Variants in DLG2 observed in about 807,000 individuals in gnomAD.
The protein encoded by DLG2 is discs large MAGUK scaffold protein 2.
In DLG2, 45 loss-of-function variants were observed where a neutral mutation model predicts 132.5. The ratio of observed to expected loss-of-function variants is 0.34; its 90% CI spans 0.27 to 0.44. The LOEUF (loss-of-function observed/expected upper bound fraction) is 0.44, where lower values mean the gene tolerates loss of function less well. DLG2 is among the 20% of genes least tolerant of loss of function. The pLI is 1.00. For missense variants in DLG2, 1,045 were observed against 1,196.9 expected (o/e 0.87, Z 1.87); for synonymous variants, 424 against 419.6 (o/e 1.01, Z -0.13).
chr11:83,987,529 C>G (rs1277220051), intron 11 of DLG2, among the ~76,000 whole-genome samples: 1 of 152,108 alleles, frequency 6.6e-6, no homozygotes, highest in Non-Finnish European at 1.5e-5. Context: ...ACAGAGCCCT[C>G]AGAAATAATA....
Position 84,251,229 on chromosome 11 carries a change from G to T in DLG2, c.573+9C>A. On this transcript the variant is annotated intron_variant, in intron 8 of 27. Coordinates refer to ENST00000376104, the MANE Select transcript of DLG2 (RefSeq NM_001142699.3). ...TTTAAAAGAAGGTAGTAATGAAAAA[G>T]TTACTTACATAAGGAATTGTGTCCA... The T allele has an allele frequency of 6.4e-7, 1 of 1,560,914 alleles. No homozygotes were observed. The highest frequency in any genetic ancestry group is 8.7e-7 in the Non-Finnish European group (1 of 1,152,428).
At chr11:84,052,879 A>G (rs1052482949) in intron 11 of DLG2, among the ~76,000 whole-genome samples, 4 of 152,038 alleles carry the variant, frequency 2.6e-5, no homozygotes, top group Non-Finnish European at 5.9e-5. Context: ...ACCTAAAGGC[A>G]GATGTACCAT....
At chr11:83,759,376 G>A (rs2093797833) in intron 18 of DLG2, among the ~76,000 whole-genome samples, 1 of 152,150 alleles carries the variant, frequency 6.6e-6, no homozygotes. Flanking sequence ...AAGTACCTGC[G>A]GTGAATAGCA....
chr11:84,785,795 G>A (rs2072777483), intron 6 of DLG2, among the ~76,000 whole-genome samples: 1 of 151,596 alleles, frequency 6.6e-6, no homozygotes, highest in South Asian at 2.1e-4. Flanking sequence ...TGCTCAGATT[G>A]CCTTATTTTG....
chr11:84,792,601 T>A (rs904473735), intron 6 of DLG2, among the ~76,000 whole-genome samples: 1 of 152,112 alleles, frequency 6.6e-6, no homozygotes, highest in African/African-American at 2.4e-5. Context: ...ATCTTGTTAC[T>A]TGTCATTGCT....
chr11:84,308,992 G>C (rs779085733), intron 7 of DLG2, among the ~76,000 whole-genome samples: 1 of 152,226 alleles, frequency 6.6e-6, no homozygotes, highest in Non-Finnish European at 1.5e-5. Flanking sequence ...CCACAGTGCA[G>C]CGGCGGGCTG....
chr11:85,598,343 A>C (rs543576859), intron 3 of DLG2, among the ~76,000 whole-genome samples: 15 of 152,218 alleles, frequency 9.9e-5, no homozygotes, highest in African/African-American at 3.6e-4. Flanking sequence ...TTTGTCCTCA[A>C]TGTTTTATAA....
intron 6 of DLG2, among the ~76,000 whole-genome samples, chr11:84,571,270 TTTC>T (rs1182767555): frequency 6.6e-6 from 1 of 152,052 alleles, no homozygotes; most frequent in African/African-American, 2.4e-5. Context: ...TCTTTTTCCT[TTTC>T]TTGTTTTTCT....
chr11:85,517,474 A>C (rs977925717), intron 3 of DLG2, among the ~76,000 whole-genome samples: 14 of 152,220 alleles, frequency 9.2e-5, no homozygotes, highest in Non-Finnish European at 1.8e-4. Flanking sequence ...TCCAAATTGA[A>C]AAAGAGGAAG....
chr11:83,472,284 G>A (rs578123321), intron 23 of DLG2, among the ~76,000 whole-genome samples: 5 of 152,230 alleles, frequency 3.3e-5, no homozygotes, highest in South Asian at 2.1e-4. Context: ...CAGTATCCTT[G>A]TCAGTAGCAA....
At chr11:84,934,504 G>GTTTTTTTTGT (rs2048457828) in intron 6 of DLG2, among the ~76,000 whole-genome samples, 1 of 33,870 alleles carries the variant, frequency 3.0e-5, no homozygotes, top group African/African-American at 1.7e-4. Flanking sequence ...GGTCCTGGGT[G>GTTTTTTTTGT]TTTTTTTTTT....
intron 6 of DLG2, among the ~76,000 whole-genome samples, chr11:84,591,715 G>A (rs2099543791): frequency 6.6e-6 from 1 of 151,904 alleles, no homozygotes. Flanking sequence ...AACAGCTTGA[G>A]GTACTGGGTG....
At chr11:85,286,142 GA>G in intron 3 of DLG2, 1 of 450,508 alleles carries the variant, frequency 2.2e-6, no homozygotes, top group Middle Eastern at 3.3e-4. Context: ...CAAAGTCAAG[GA>G]AACTATACAA....
At chr11:85,314,904 C>T (rs2080549438) in intron 3 of DLG2, among the ~76,000 whole-genome samples, 1 of 151,910 alleles carries the variant, frequency 6.6e-6, no homozygotes, top group South Asian at 2.1e-4. Flanking sequence ...CCCCATACTT[C>T]AGTGTTGTGT....
chr11:83,513,479 G>T (rs993651309), intron 21 of DLG2, among the ~76,000 whole-genome samples: 3 of 152,138 alleles, frequency 2.0e-5, no homozygotes, highest in Non-Finnish European at 4.4e-5. Context: ...TCTGTAGGTT[G>T]CCTGTTCACT....
chr11:84,974,771 G>T (rs1291216553), intron 6 of DLG2, among the ~76,000 whole-genome samples: 2 of 152,188 alleles, frequency 1.3e-5, no homozygotes, highest in Admixed American at 6.5e-5. Flanking sequence ...AAACTATGGG[G>T]TTAGGACCCA....
In DLG2 at chr11:85,274,095, C is replaced by T. The variant is rs568371689; in HGVS notation, c.186+11125G>A. On this transcript the variant is annotated intron_variant, in intron 4 of 27. Coordinates refer to ENST00000376104, the MANE Select transcript of DLG2 (RefSeq NM_001142699.3). ...ACAGGGTGGGGAACATCACACACTG[C>T]GGCTGTCGTGGGGTGGGTGGAGAGG... Among the ~76,000 whole-genome samples the T allele has an allele frequency of 9.4e-5, 13 of 138,852 alleles. No homozygotes were observed. The South Asian group carries it at 1.5e-3, about 16-fold the overall frequency. 91.1% of individuals were successfully genotyped at this position (138,852 alleles called of 152,430 possible).
chr11:83,734,619 T>C (rs761405956), intron 18 of DLG2, among the ~76,000 whole-genome samples: 2 of 152,112 alleles, frequency 1.3e-5, no homozygotes, highest in Non-Finnish European at 2.9e-5. Context: ...CCAGGCTATT[T>C]TTTTGTATTT....
At chr11:84,547,590 T>A (rs1306440485) in intron 6 of DLG2, among the ~76,000 whole-genome samples, 2 of 152,184 alleles carry the variant, frequency 1.3e-5, no homozygotes, top group Admixed American at 1.3e-4. Context: ...CAACTCTTTT[T>A]CACATACTGC....
Sources: gnomAD v4.1 joint callset for allele counts (sites outside exome capture counted in the v4.1 genomes callset) on GRCh38, gnomAD v4.1.1 for gene constraint, MANE v1.5 for transcripts, NCBI Gene and HGNC (gene_info 2026-07-23, HGNC 2026-07-21) for gene names.